BMP1: variants seen among roughly 807,000 people sequenced by gnomAD.
BMP1 encodes mammalian tolloid protein.
In BMP1, 63 loss-of-function variants were observed where a neutral mutation model predicts 116.8. The observed-to-expected ratio is 0.54, with a 90% confidence interval of 0.44 to 0.67. The LOEUF is 0.67. Among genes scored for constraint, BMP1 ranks in the 30% least tolerant of loss-of-function variants. The pLI is 0.00. For missense variants in BMP1, 1,183 were observed against 1,358.9 expected, an observed-to-expected ratio of 0.87 and a Z score of 2.04; for synonymous variants, 536 against 533.4, an observed-to-expected ratio of 1.00 and a Z score of -0.07.
intron 16 of BMP1, among the ~76,000 whole-genome samples, chr8:22,204,846 C>A (rs1272686007): frequency 6.6e-6 from 1 of 151,600 alleles, no homozygotes; most frequent in Non-Finnish European, 1.5e-5. Flanking sequence ...AGCGAGTGTT[C>A]TCGAAGGCTA....
chr8:22,191,782 A>G (rs1025553261), intron 8 of BMP1, among the ~76,000 whole-genome samples: 1 of 152,164 alleles, frequency 6.6e-6, no homozygotes, highest in African/African-American at 2.4e-5. Context: ...TGTGTTATCT[A>G]ATTGACTATG....
intron 2 of BMP1, among the ~76,000 whole-genome samples, chr8:22,174,234 C>T (rs954172296): frequency 1.3e-5 from 2 of 152,206 alleles, no homozygotes; most frequent in African/African-American, 4.8e-5. Context: ...TCCTATTCTT[C>T]TTTCCCAGTT....
At chr8:22,175,994 CT>C in intron 2 of BMP1, 148 bp from the exon 3 acceptor site, 1 of 818,702 alleles carries the variant, frequency 1.2e-6, no homozygotes. Flanking sequence ...CGTGAAAGCC[CT>C]GAGAGTATTG....
At chr8:22,211,499 A>T (rs1829461259) in intron 19 of BMP1, 95 bp from the exon 20 acceptor site, 1 of 1,541,554 alleles carries the variant, frequency 6.5e-7, no homozygotes, top group African/African-American at 1.4e-5. Flanking sequence ...GCTGCCTGGG[A>T]GCCTCCTGCC....
Position 22,194,871 on chromosome 8 carries a change from T to C in BMP1, c.1591T>C (p.Ser531Pro), listed in dbSNP as rs376987596. The C allele has an allele frequency of 6.2e-7, 1 of 1,613,038 alleles. No homozygotes were observed. Among genetic ancestry groups the C allele is most frequent in the Non-Finnish European group, 8.5e-7 (1 of 1,179,836 alleles). Residue 531 changes from serine to proline, a missense_variant, in exon 12 of 20, where the codon TCT (serine) becomes CCT (proline). By Grantham distance (74) the Ser-to-Pro change is moderately conservative (BLOSUM62 -1). Coordinates refer to ENST00000306385, the MANE Select transcript of BMP1 (RefSeq NM_006129.5). This position sits in a 1 kb window ranked among gnomAD's most constrained non-coding sequence, Gnocchi z 4.5. ...CAGCCGCCTCTGGCTCAAGTTCGTCTCTGACGGGTCCATTAACAAAGCGGG... is the reference window on the plus strand; with the variant it reads ...CAGCCGCCTCTGGCTCAAGTTCGTCCCTGACGGGTCCATTAACAAAGCGGG... ...TSSRLWLKFV[S>P]DGSINKAGFA...
intron 5 of BMP1, 52 bp downstream of exon 5, chr8:22,177,191 C>G (rs775574634): frequency 1.3e-6 from 2 of 1,512,216 alleles, no homozygotes; most frequent in Admixed American, 4.0e-5. Context: ...CGCCCCAGCC[C>G]CCACCTCCAG....
At chr8:22,192,970 T>C (rs1416693210) in intron 9 of BMP1, among the ~76,000 whole-genome samples, 1 of 152,240 alleles carries the variant, frequency 6.6e-6, no homozygotes, top group Non-Finnish European at 1.5e-5. Flanking sequence ...TATTTAAATA[T>C]TTCTTTTTGG....
At position 22,176,299 on chromosome 8, in the gene BMP1, G is replaced by T; in HGVS notation, c.419G>T (p.Gly140Val). The change falls in exon 3 of 20, where the codon GGG (glycine) becomes GTG (valine). Residue 140 changes from glycine to valine, a missense_variant. Physicochemically the swap from Gly to Val is moderately radical, Grantham distance 109. This residue lies in a region of BMP1 where 40 missense variants were observed against 47.5 expected (regional missense o/e 0.84). Coordinates refer to ENST00000306385, the MANE Select transcript of BMP1 (RefSeq NM_006129.5). Reference protein sequence around the residue: ...WPDGVIPFVIGGNFTGSQRAV... With the variant: ...WPDGVIPFVIVGNFTGSQRAV... The stretch of plus-strand genomic sequence containing the variant: ...GATGGGGTCATCCCCTTTGTCATTG[G>T]GGGAAACTTCACTGGTGAGCGTGCT... The T allele has an allele frequency of 1.2e-6, 2 of 1,600,366 alleles. No individual in the cohort carries two copies. Among genetic ancestry groups the T allele is most frequent in the Admixed American group, 1.7e-5 (1 of 58,388 alleles).
intron 5 of BMP1, among the ~76,000 whole-genome samples, 179 bp downstream of exon 5, chr8:22,177,318 A>C (rs572101594): frequency 1.3e-5 from 2 of 152,306 alleles, no homozygotes; most frequent in African/African-American, 4.8e-5. Flanking sequence ...CCTCCGTGTC[A>C]GATCAAGGAC....
chr8:22,195,935 C>T (rs1829072159), intron 13 of BMP1, among the ~76,000 whole-genome samples: 1 of 152,146 alleles, frequency 6.6e-6, no homozygotes, highest in African/African-American at 2.4e-5. Context: ...AGGCTTGAGT[C>T]ACTGCCAAGA....
chr8:22,176,741 G>A lies in BMP1; in HGVS notation c.551+91G>A, dbSNP rs560145917. 4.7e-5 allele frequency: 66 copies of A among 1,407,280 alleles called. No homozygotes were observed. In the South Asian group the frequency reaches 5.4e-4, roughly 12 times the overall value. The allele number at this position is 1,407,280 out of a possible 1,614,324, so 87.2% of individuals were successfully genotyped here. ...CTGCCACTGCCCCCAGCTGGGCACA[G>A]CCTTGGGTCCCTTTATCCCCTCCTG... On this transcript the variant is annotated intron_variant, in intron 4 of 19. Coordinates refer to ENST00000306385, the MANE Select transcript of BMP1 (RefSeq NM_006129.5).
chr8:22,188,066 G>A (rs768393925), intron 8 of BMP1, among the ~76,000 whole-genome samples: 3 of 151,780 alleles, frequency 2.0e-5, no homozygotes, highest in Non-Finnish European at 4.4e-5. Flanking sequence ...CATGCAGCAA[G>A]CATGAGGAGT....
chr8:22,175,563 G>A (rs907196565), intron 2 of BMP1, among the ~76,000 whole-genome samples: 1 of 152,158 alleles, frequency 6.6e-6, no homozygotes, highest in Admixed American at 6.5e-5. Context: ...CAACATTTTT[G>A]TCAACTGATC....
chr8:22,204,261 C>T (rs187572067), intron 16 of BMP1, among the ~76,000 whole-genome samples: 35 of 152,274 alleles, frequency 2.3e-4, no homozygotes, highest in Non-Finnish European at 3.8e-4. Flanking sequence ...TGTGGGTAGA[C>T]GGGAGCTTCA....
chr8:22,207,517 G>A lies in BMP1; in HGVS notation c.2575+1G>A. Reference sequence around the variant, plus strand: ...GGCTTCCAGGCCTCCCACGCCACAGGTACTGTCCCCGGTTGTGGGAGTGTT... The same window carrying A: ...GGCTTCCAGGCCTCCCACGCCACAGATACTGTCCCCGGTTGTGGGAGTGTT... On this transcript the variant is annotated splice_donor_variant, in intron 18 of 19. Coordinates refer to ENST00000306385, the MANE Select transcript of BMP1 (RefSeq NM_006129.5). LOFTEE classifies it high-confidence loss of function. 1 of 1,613,018 alleles carries A rather than the reference G, an allele frequency of 6.2e-7. No homozygotes were observed. Among genetic ancestry groups the A allele is most frequent in the Non-Finnish European group, 8.5e-7 (1 of 1,179,898 alleles).
intron 8 of BMP1, among the ~76,000 whole-genome samples, chr8:22,185,661 G>A (rs1176328369): frequency 3.3e-5 from 5 of 151,016 alleles, no homozygotes; most frequent in Non-Finnish European, 5.9e-5. Flanking sequence ...TCACTCTGTC[G>A]CCCAAGCTGG....
chr8:22,189,222 G>A (rs1041894756), intron 8 of BMP1, among the ~76,000 whole-genome samples: 1 of 151,990 alleles, frequency 6.6e-6, no homozygotes, highest in Non-Finnish European at 1.5e-5. Flanking sequence ...AAGCATGGAT[G>A]AGTATATATG....
chr8:22,170,576 G>A (rs1828248778), intron 1 of BMP1: 1 of 152,210 alleles, frequency 6.6e-6, no homozygotes, highest in African/African-American at 2.4e-5. Context: ...GTCCAAAGGT[G>A]AGTCTAAATG....
In BMP1 at chr8:22,194,126, C is replaced by T. The variant is rs147413726; in HGVS notation, c.1249C>T (p.Arg417Cys). The change falls in exon 10 of 20, where the codon CGC becomes TGC. Residue 417 changes from arginine (R) to cysteine (C), a missense_variant. This residue lies in a region of BMP1 where 956 missense variants were observed against 1,135.2 expected (regional missense o/e 0.84). Transcript: ENST00000306385. This position sits in a 1 kb window ranked among gnomAD's most constrained non-coding sequence, Gnocchi z 4.5. ...STDSRLWVEF[R>C]SSSNWVGKGF... is the part of the protein sequence containing the mutation. ...TGACAGCCGCCTCTGGGTTGAATTC[C>T]GCAGCAGCAGCAATTGGGTTGGAAA... 7.5e-5 allele frequency: 121 copies of T among 1,613,914 alleles called. No homozygotes were observed. The highest frequency in any genetic ancestry group is 9.3e-5 in the Non-Finnish European group (110 of 1,179,974).
Sources: gnomAD v4.1 joint callset for allele counts (sites outside exome capture counted in the v4.1 genomes callset) on GRCh38, gnomAD v4.1.1 for gene constraint, gnomAD v4.1.1 regional missense constraint, Gnocchi (gnomAD v3.1) non-coding constraint, MANE v1.5 for transcripts, NCBI Gene and HGNC (gene_info 2026-07-23, HGNC 2026-07-21) for gene names.